The following MKNK1 variants were observed in gnomAD, a reference collection of about 807,000 sequenced individuals.
MKNK1 encodes the protein MAP kinase-interacting serine/threonine-protein kinase 1.
MKNK1 carries 30 observed loss-of-function variants against 49.3 expected under a neutral mutation model. The observed-to-expected ratio is 0.61, with a 90% CI of 0.46 to 0.83. The LOEUF is 0.83. MKNK1 is among the 40% of genes least tolerant of loss of function. The pLI is 0.00. For synonymous variants in MKNK1, 176 were observed against 201.7 expected, an observed-to-expected ratio of 0.87 and a Z score of 1.08; for missense variants, 423 against 524.7, an observed-to-expected ratio of 0.81 and a Z score of 1.89.
intron 2 of MKNK1, among the ~76,000 whole-genome samples, chr1:46,583,758 T>C (rs892370968): frequency 6.6e-6 from 1 of 152,002 alleles, no homozygotes; most frequent in Non-Finnish European, 1.5e-5. Flanking sequence ...TGGGGGACCA[T>C]GCAGATGAGT....
At chr1:46,561,437 G>C in intron 11 of MKNK1, 41 bp downstream of exon 11, 1 of 1,569,152 alleles carries the variant, frequency 6.4e-7, no homozygotes, top group Non-Finnish European at 8.6e-7. Flanking sequence ...CATGCCACAG[G>C]CCTGAAGTGG....
chr1:46,568,431 G>C lies in MKNK1; in HGVS notation c.513+12C>G, dbSNP rs1431552342. The C allele has an allele frequency of 4.3e-6, 7 of 1,613,210 alleles. 1 individual carries two copies. The highest frequency in any genetic ancestry group is 5.9e-6 in the Non-Finnish European group (7 of 1,179,400). ...GTATAAACTATAACATTCCAAATCAGGCCCAAAGTACCTTTTCTGGAGATT... is the reference window on the plus strand; with the variant it reads ...GTATAAACTATAACATTCCAAATCACGCCCAAAGTACCTTTTCTGGAGATT... On this transcript the variant is annotated intron_variant, in intron 8 of 12. Coordinates refer to ENST00000371945, the MANE Select transcript of MKNK1 (RefSeq NM_001135553.4).
chr1:46,601,118 T>C (rs903445492), intron 1 of MKNK1, among the ~76,000 whole-genome samples: 3 of 152,328 alleles, frequency 2.0e-5, no homozygotes, highest in Admixed American at 2.0e-4. Context: ...GGTTTCACCA[T>C]GTTGGTCAGG....
At chr1:46,560,641 G>C (rs994754823) in intron 11 of MKNK1, among the ~76,000 whole-genome samples, 1 of 152,188 alleles carries the variant, frequency 6.6e-6, no homozygotes, top group African/African-American at 2.4e-5. Context: ...TGCTCCCTTT[G>C]TGCCCCTAGC....
In MKNK1 at chr1:46,589,908, T is replaced by C. The variant is rs1267884603; in HGVS notation, c.-3+4205A>G. ...CCTGCAGAGAACTCATCAGCTTTCA[T>C]ATCTGTGCATGAAACCAGAGATGAT... On this transcript the variant is annotated intron_variant, in intron 2 of 12. Coordinates refer to ENST00000371945, the MANE Select transcript of MKNK1 (RefSeq NM_001135553.4). This position sits in a 1 kb window ranked among gnomAD's most constrained non-coding sequence, Gnocchi z 4.3. Among the ~76,000 whole-genome samples, 3 of 152,176 alleles carry C rather than the reference T, an allele frequency of 2.0e-5. No homozygotes were observed. Among genetic ancestry groups the C allele is most frequent in the Non-Finnish European group, 2.9e-5 (2 of 68,032 alleles).
chr1:46,587,756 G>C (rs568904342), intron 2 of MKNK1, among the ~76,000 whole-genome samples: 78 of 152,284 alleles, frequency 5.1e-4, no homozygotes, highest in African/African-American at 1.7e-3. Flanking sequence ...GGCGGAGGTT[G>C]CGGTGAACTG....
At chr1:46,570,694 C>T (rs956003300) in intron 7 of MKNK1, among the ~76,000 whole-genome samples, 2 of 152,206 alleles carry the variant, frequency 1.3e-5, no homozygotes, top group Admixed American at 6.5e-5. Context: ...TCATTTCACT[C>T]CCACCCCCAA....
rs193026160 is a variant in MKNK1, at chr1:46,589,813, T to A, written c.-3+4300A>T. On this transcript the variant is annotated intron_variant, in intron 2 of 12. Transcript: ENST00000371945. This position sits in a 1 kb window ranked among gnomAD's most constrained non-coding sequence, Gnocchi z 4.3. The stretch of plus-strand genomic sequence containing the variant: ...GGCCCACCCTCTGGAAGAACTGTGT[T>A]ACTTCTCCATAGTCTTATGAGCCAC... Among the ~76,000 whole-genome samples the A allele has an allele frequency of 4.6e-5, 7 of 152,304 alleles. No homozygotes were observed. The highest frequency in any genetic ancestry group is 8.8e-5 in the Non-Finnish European group (6 of 68,034).
intron 3 of MKNK1, among the ~76,000 whole-genome samples, chr1:46,582,620 G>A (rs552250261): frequency 5.1e-4 from 78 of 152,370 alleles, no homozygotes; most frequent in Non-Finnish European, 7.1e-4. Flanking sequence ...CTTTGCACAA[G>A]TGTCCAATCA....
rs562759934 is a variant in MKNK1, at chr1:46,560,211, G to A, written c.1013+23C>T. The A allele has an allele frequency of 1.3e-5, 21 of 1,613,530 alleles. 1 individual carries two copies. Among genetic ancestry groups the A allele is most frequent in the South Asian group, 7.7e-5 (7 of 91,048 alleles). ...CTGAGAGCTTGAGGAAGAGCATGGC[G>A]TGGGGGTGGTCAGAGCATTTACCTC... On this transcript the variant is annotated intron_variant, in intron 12 of 12. Coordinates refer to ENST00000371945, the MANE Select transcript of MKNK1 (RefSeq NM_001135553.4).
Position 46,589,617 on chromosome 1 carries a change from G to A in MKNK1, c.-3+4496C>T, listed in dbSNP as rs1673071906. 6.6e-6 allele frequency among the ~76,000 whole-genome samples: 1 copy of A among 152,322 alleles called. No homozygotes were observed. Among genetic ancestry groups the A allele is most frequent in the African/African-American group, 2.4e-5 (1 of 41,568 alleles). On this transcript the variant is annotated intron_variant, in intron 2 of 12. Coordinates refer to ENST00000371945, the MANE Select transcript of MKNK1 (RefSeq NM_001135553.4). The surrounding 1 kb of genome is among the most constrained non-coding windows in gnomAD (Gnocchi z 4.3). ...TGATGGTACTGAAGGTATAGTAAGT[G>A]TGAAGGATACAGATCCAGGAATCAT...
At chr1:46,565,003 A>T (rs757842938) in intron 9 of MKNK1, 38 bp downstream of exon 9, 1 of 1,585,214 alleles carries the variant, frequency 6.3e-7, no homozygotes, top group South Asian at 1.1e-5. Flanking sequence ...TCAGGGAAAC[A>T]CTCCAAATAC....
intron 2 of MKNK1, among the ~76,000 whole-genome samples, chr1:46,585,309 A>C (rs1672390429): frequency 2.9e-5 from 4 of 137,348 alleles, no homozygotes; most frequent in African/African-American, 8.1e-5. Context: ...AAAAATCAGC[A>C]CCTCAACACC....
At position 46,580,535 on chromosome 1, in the gene MKNK1, C is replaced by T. The variant is rs760939517; in HGVS notation, c.193G>A (p.Val65Ile). Residue 65 changes from valine to isoleucine, a missense_variant, in exon 4 of 13, where the codon GTC becomes ATC. By Grantham distance (29) the Val-to-Ile change is conservative (BLOSUM62 3). Coordinates refer to ENST00000371945, the MANE Select transcript of MKNK1 (RefSeq NM_001135553.4). ...CATTCAGCTGAGACACTCACTTTGA[C>T]GGCATACTCTTTGCCATTCTGTAGG... ...VSLQNGKEYA[V>I]KIIEKQAGHS... 2.6e-5 allele frequency: 42 copies of T among 1,610,864 alleles called. No homozygotes were observed. Among genetic ancestry groups the T allele is most frequent in the Non-Finnish European group, 2.8e-5 (33 of 1,177,032 alleles).
In MKNK1 at chr1:46,576,679, T is replaced by G. The variant is rs770878870; in HGVS notation, c.199-25A>C. ...TCTGTGGGAAGAATAAAATCTGTCATGTACACCCACCTGACTTCCAAACAG... is the reference window on the plus strand; with the variant it reads ...TCTGTGGGAAGAATAAAATCTGTCAGGTACACCCACCTGACTTCCAAACAG... On this transcript the variant is annotated intron_variant, in intron 4 of 12. Transcript: ENST00000371945. The G allele has an allele frequency of 1.9e-4, 297 of 1,600,730 alleles. 2 individuals carry two copies. The highest frequency in any genetic ancestry group is 5.5e-5 in the Non-Finnish European group (64 of 1,167,908).
At position 46,576,657 on chromosome 1, in the gene MKNK1, G is replaced by C. The variant is rs758069391; in HGVS notation, c.199-3C>G. 1.2e-6 allele frequency: 2 copies of C among 1,613,916 alleles called. No homozygotes were observed. The highest frequency in any genetic ancestry group is 3.3e-5 in the Admixed American group (2 of 60,026). Reference sequence around the variant, plus strand: ...TGCCCTGCTTGTTTCTCGATGATCTGTGGGAAGAATAAAATCTGTCATGTA... The same window carrying C: ...TGCCCTGCTTGTTTCTCGATGATCTCTGGGAAGAATAAAATCTGTCATGTA... On this transcript the variant is annotated splice_region_variant and splice_polypyrimidine_tract_variant and intron_variant, in intron 4 of 12. Coordinates refer to ENST00000371945, the MANE Select transcript of MKNK1 (RefSeq NM_001135553.4).
At chr1:46,569,718 G>A (rs754416980) in intron 7 of MKNK1, 1 of 152,238 alleles carries the variant, frequency 6.6e-6, no homozygotes, top group African/African-American at 2.4e-5. Flanking sequence ...CTAATTGAAC[G>A]AGAACCCAGA....
At chr1:46,588,008 T>G (rs1175188904) in intron 2 of MKNK1, among the ~76,000 whole-genome samples, 1 of 152,234 alleles carries the variant, frequency 6.6e-6, no homozygotes, top group Non-Finnish European at 1.5e-5. Flanking sequence ...GTACATATTA[T>G]CTCTAATTCT....
In MKNK1 at chr1:46,597,849, G is replaced by C. The variant is rs527286929; in HGVS notation, c.-170-3569C>G. Among the ~76,000 whole-genome samples the C allele has an allele frequency of 4.6e-5, 7 of 152,286 alleles. No individual in the cohort carries two copies. The South Asian group carries it at 1.4e-3, about 32-fold the overall frequency. On this transcript the variant is annotated intron_variant, in intron 1 of 12. Transcript: ENST00000371945. Reference sequence around the variant, plus strand: ...TGTTTTAGCTGGACTCTTATTAGAAGACCGAGTACAGTCTGGGTCACTGCC... The same window carrying C: ...TGTTTTAGCTGGACTCTTATTAGAACACCGAGTACAGTCTGGGTCACTGCC...
Sources: gnomAD v4.1 joint callset for allele counts (sites outside exome capture counted in the v4.1 genomes callset) on GRCh38, gnomAD v4.1.1 for gene constraint, Gnocchi (gnomAD v3.1) non-coding constraint, MANE v1.5 for transcripts, NCBI Gene and HGNC (gene_info 2026-07-23, HGNC 2026-07-21) for gene names.